The following ZFYVE1 variants were observed in gnomAD, a reference collection of about 807,000 sequenced individuals.
The protein encoded by ZFYVE1 is zinc finger FYVE domain-containing protein 1.
A neutral mutation model predicts 74.4 loss-of-function variants in ZFYVE1; 30 were observed. The observed-to-expected ratio is 0.40, with a 90% CI of 0.30 to 0.55. The LOEUF is 0.55. Ranked by LOEUF, ZFYVE1 falls within the 20% of genes least tolerant of loss-of-function variation. The probability of loss-of-function intolerance (pLI) is 0.42; values close to 1 mark genes in which losing one functional copy is unlikely to be tolerated. For synonymous variants in ZFYVE1, 335 were observed against 385.1 expected (o/e 0.87, Z 1.52); for missense variants, 703 against 1,011.6 (o/e 0.69, Z 4.14).
intron 8 of ZFYVE1, among the ~76,000 whole-genome samples, chr14:72,977,658 A>G (rs1893209944): frequency 6.6e-6 from 1 of 152,236 alleles, no homozygotes; most frequent in African/African-American, 2.4e-5. Context: ...TGAGTAGAAC[A>G]TGCAAAAACG....
At chr14:72,995,797 C>T (rs544815291) in intron 3 of ZFYVE1, among the ~76,000 whole-genome samples, 148 of 152,274 alleles carry the variant, frequency 9.7e-4, no homozygotes, top group African/African-American at 2.3e-3. Context: ...GTGCCAGGTC[C>T]TTCAGATTCA....
At chr14:73,000,961 T>C (rs1893856702) in intron 2 of ZFYVE1, among the ~76,000 whole-genome samples, 1 of 152,208 alleles carries the variant, frequency 6.6e-6, no homozygotes, top group Non-Finnish European at 1.5e-5. Context: ...GGGCATTTCT[T>C]ACACGTGCTC....
intron 1 of ZFYVE1, among the ~76,000 whole-genome samples, chr14:73,026,024 C>T (rs1894452585): frequency 6.6e-6 from 1 of 151,734 alleles, no homozygotes; most frequent in Admixed American, 6.6e-5. Context: ...TGTTTCAACT[C>T]TAGCTAGATG....
chr14:73,007,960 C>T (rs1894014036), intron 2 of ZFYVE1, among the ~76,000 whole-genome samples: 1 of 152,184 alleles, frequency 6.6e-6, no homozygotes, highest in African/African-American at 2.4e-5. Context: ...CGGGGTTGGT[C>T]TCACAAACAC....
chr14:72,987,239 A>G (rs1893504645), intron 4 of ZFYVE1, among the ~76,000 whole-genome samples: 1 of 152,244 alleles, frequency 6.6e-6, no homozygotes, highest in Non-Finnish European at 1.5e-5. Context: ...TGGAACGTCA[A>G]GAGTTTCTAC....
chr14:72,992,616 C>CA (rs1893641147), intron 4 of ZFYVE1, among the ~76,000 whole-genome samples: 1 of 76,558 alleles, frequency 1.3e-5, no homozygotes, highest in Non-Finnish European at 2.8e-5. Flanking sequence ...CATTCAGGTG[C>CA]CCCCCCCGCC....
At chr14:72,987,908 G>A (rs113918363) in intron 4 of ZFYVE1, among the ~76,000 whole-genome samples, 2 of 152,268 alleles carry the variant, frequency 1.3e-5, no homozygotes, top group African/African-American at 4.8e-5. Context: ...TCAGCAGGAG[G>A]AATAGAGAAA....
intron 4 of ZFYVE1, among the ~76,000 whole-genome samples, chr14:72,991,661 C>T (rs866061889): frequency 6.6e-6 from 1 of 152,186 alleles, no homozygotes; most frequent in Middle Eastern, 3.4e-3. Context: ...CGTCATCTTC[C>T]GTTTTCACTG....
Position 73,027,030 on chromosome 14 carries a change from T to C in ZFYVE1, c.-539A>G, listed in dbSNP as rs1894479416. 2.5e-6 allele frequency: 1 copy of C among 398,928 alleles called. No homozygotes were observed. The highest frequency in any genetic ancestry group is 4.4e-6 in the Non-Finnish European group (1 of 226,440). 24.7% of individuals were successfully genotyped at this position (398,928 alleles called of 1,614,324 possible). On this transcript the variant is annotated 5_prime_UTR_variant, in exon 1 of 12. An upstream start codon of the reference 5' UTR is lost. Transcript: ENST00000556143. ...ACCGGCAGATCCATCCTCATCTCCA[T>C]CTCCGCCACCCTCCTCCTTCGTTGC...
At chr14:73,020,657 T>C (rs1894299662) in intron 2 of ZFYVE1, among the ~76,000 whole-genome samples, 1 of 152,100 alleles carries the variant, frequency 6.6e-6, no homozygotes, top group African/African-American at 2.4e-5. Context: ...CGGTCGCAGT[T>C]CATTGTTAAT....
intron 2 of ZFYVE1, among the ~76,000 whole-genome samples, chr14:73,019,265 C>T (rs757441030): frequency 2.0e-5 from 3 of 152,222 alleles, no homozygotes; most frequent in Non-Finnish European, 2.9e-5. Flanking sequence ...ACAAGGGTTA[C>T]AGCCTACAGG....
Position 73,024,293 on chromosome 14 carries a change from G to T in ZFYVE1, c.216C>A (p.Asp72Glu). ...AATGCCCACTGAGACCCTTGCAGAG[G>T]TCACAGTAAGGGACATGGCCAGGTT... ...RLKPGHVPYCDLCKGLSGHLP... is the reference protein window; with the variant it reads ...RLKPGHVPYCELCKGLSGHLP... Residue 72 changes from aspartate (D) to glutamate (E), a missense_variant, in exon 2 of 12, where the codon GAC becomes GAA. Physicochemically the swap from Asp to Glu is conservative, Grantham distance 45. Transcript: ENST00000556143. The T allele has an allele frequency of 6.2e-7, 1 of 1,614,138 alleles. No homozygotes were observed. Among genetic ancestry groups the T allele is most frequent in the Non-Finnish European group, 8.5e-7 (1 of 1,180,028 alleles).
At chr14:73,010,840 T>A (rs552720161) in intron 2 of ZFYVE1, among the ~76,000 whole-genome samples, 5 of 150,724 alleles carry the variant, frequency 3.3e-5, no homozygotes, top group African/African-American at 1.2e-4. Flanking sequence ...GTTGGACTCT[T>A]ACATTTCATT....
At chr14:73,015,935 T>C (rs1245439806) in intron 2 of ZFYVE1, among the ~76,000 whole-genome samples, 2 of 151,658 alleles carry the variant, frequency 1.3e-5, no homozygotes, top group Admixed American at 6.6e-5. Context: ...CAAAAATAAA[T>C]AAATAAATAA....
chr14:73,023,207 TATATATA>T lies in ZFYVE1; in HGVS notation c.483+812_483+818del, dbSNP rs1209171307. Among the ~76,000 whole-genome samples the T allele has an allele frequency of 1.5e-4, 21 of 137,724 alleles. 1 individual carries two copies. The highest frequency in any genetic ancestry group is 3.1e-4 in the Non-Finnish European group (20 of 64,502). 90.4% of individuals were successfully genotyped at this position (137,724 alleles called of 152,430 possible). A position where few individuals can be genotyped will look rare whatever the true frequency, so the allele number is the denominator to read the frequency against. On this transcript the variant is annotated intron_variant, in intron 2 of 11. Transcript: ENST00000556143. ...ATATATATATATTTTATATATGTTTTATATATAATATATATTTTATATGTTTTATATG... is the reference window on the plus strand; with the variant it reads ...ATATATATATATTTTATATATGTTTTATATATATTTTATATGTTTTATATG...
At chr14:73,018,510 C>T (rs992157735) in intron 2 of ZFYVE1, among the ~76,000 whole-genome samples, 4 of 150,860 alleles carry the variant, frequency 2.7e-5, no homozygotes, top group African/African-American at 7.3e-5. Flanking sequence ...TTCCAAATCA[C>T]TCTTCTTAAT....
chr14:73,022,284 G>C (rs1594869176), intron 2 of ZFYVE1, among the ~76,000 whole-genome samples: 1 of 152,296 alleles, frequency 6.6e-6, no homozygotes, highest in Non-Finnish European at 1.5e-5. Context: ...AAGTATACAG[G>C]AATCATGATG....
chr14:73,000,724 CT>C (rs1429633419), intron 2 of ZFYVE1, among the ~76,000 whole-genome samples: 3 of 152,168 alleles, frequency 2.0e-5, no homozygotes, highest in Non-Finnish European at 2.9e-5. Context: ...TTGTCCACAT[CT>C]AGCTATATAC....
intron 2 of ZFYVE1, among the ~76,000 whole-genome samples, chr14:72,999,317 C>T (rs1893819952): frequency 6.6e-6 from 1 of 152,082 alleles, no homozygotes; most frequent in South Asian, 2.1e-4. Flanking sequence ...ATCCCAGCTA[C>T]TCAGGAGGCT....
Sources: allele counts gnomAD v4.1 joint callset (sites outside exome capture counted in the v4.1 genomes callset), GRCh38; gene constraint gnomAD v4.1.1; transcripts MANE v1.5; gene names NCBI Gene and HGNC (gene_info 2026-07-23, HGNC 2026-07-21).